TTN: variants seen among roughly 807,000 people sequenced by gnomAD.
TTN encodes the protein titin, also known as connectin.
Under a neutral mutation model 3,223.0 loss-of-function variants are expected in TTN, and 1,525 were observed. The observed-to-expected ratio is 0.47, with a 90% CI of 0.45 to 0.49. The LOEUF is 0.49. TTN is among the 20% of genes least tolerant of loss of function. The probability of loss-of-function intolerance (pLI) is 0.00; values close to 1 mark genes in which losing one functional copy is unlikely to be tolerated. For synonymous variants in TTN, 14,094 were observed against 15,161.0 expected, an observed-to-expected ratio of 0.93 and a Z score of 5.17; for missense variants, 40,786 against 43,424.0, an observed-to-expected ratio of 0.94 and a Z score of 5.40.
intron 79 of TTN, 76 bp downstream of exon 79, chr2:178,720,845 A>G: frequency 6.8e-7 from 1 of 1,477,548 alleles, no homozygotes; most frequent in East Asian, 2.3e-5. Flanking sequence ...TTATCCTTTT[A>G]TTTTGGAACT....
chr2:178,618,652 C>CCTTTCTTGG lies in TTN; in HGVS notation c.46897_46898insCCAAGAAAG (p.Lys15632_Gly15633insAlaLysLys). ...GTTCTGAAGCACAATTTTATACCTCCCTTTGTCTCCTTTCTTGGCTTCTAA... is the reference window on the plus strand; with the variant it reads ...GTTCTGAAGCACAATTTTATACCTCCCTTTCTTGGCTTTGTCTCCTTTCTTGGCTTCTAA... On this transcript the variant is annotated inframe_insertion, in exon 251 of 363. Transcript: ENST00000589042. The CCTTTCTTGG allele has an allele frequency of 6.2e-7, 1 of 1,612,358 alleles. No individual in the cohort carries two copies. The highest frequency in any genetic ancestry group is 1.1e-5 in the South Asian group (1 of 90,986).
rs1247538583 is a variant in TTN at position 178,614,538 on chromosome 2, T to C, written c.48976A>G (p.Thr16326Ala). The change falls in exon 261 of 363, where the codon ACT (threonine) becomes GCT (alanine). Residue 16326 changes from threonine to alanine, a missense_variant. Physicochemically the swap from Thr to Ala is moderately conservative, Grantham distance 58 (BLOSUM62 0). Transcript: ENST00000589042. ...ACAGCCTCAATGATATATGTGCCAG[T>C]GTCACTTCTCTTACTATCAACAATA... Reference protein sequence around the residue: ...VTIVDSKRSDTGTYIIEAVNV... With the variant: ...VTIVDSKRSDAGTYIIEAVNV... 1.2e-6 allele frequency: 2 copies of C among 1,612,448 alleles called. No homozygotes were observed. The highest frequency in any genetic ancestry group is 3.3e-5 in the Admixed American group (2 of 59,892).
rs2091955390 is a variant in TTN at position 178,774,409 on chromosome 2, T to G, written c.6855A>C (p.Glu2285Asp). ...DIEVPESYSG[E>D]LECIVSPENI... The stretch of plus-strand genomic sequence containing the variant: ...TTTCTGGGGATACAATGCACTCTAA[T>G]TCTCCTGAATATGATTCTGGAACTT... Residue 2285 changes from glutamate to aspartate, a missense_variant, in exon 30 of 363, where the codon GAA becomes GAC. Transcript: ENST00000589042. The G allele has an allele frequency of 3.1e-6, 5 of 1,613,906 alleles. No individual in the cohort carries two copies. The highest frequency in any genetic ancestry group is 3.4e-6 in the Non-Finnish European group (4 of 1,179,920).
intron 144 of TTN, 68 bp downstream of exon 144, chr2:178,678,346 A>G: frequency 6.7e-7 from 1 of 1,502,962 alleles, no homozygotes; most frequent in Non-Finnish European, 9.0e-7. Context: ...TAATGGGGAA[A>G]TTTGTATGTG....
At chr2:178,707,851 G>A (rs1299684625) in intron 99 of TTN, 38 bp from the exon 100 acceptor site, 13 of 1,528,228 alleles carry the variant, frequency 8.5e-6, no homozygotes, top group African/African-American at 4.2e-5. Flanking sequence ...GAACATAAAG[G>A]CAAAAAAGTA....
rs1486085185 is a variant in TTN at position 178,543,333 on chromosome 2, C to T, written c.96640G>A (p.Val32214Ile). The change falls in exon 347 of 363, where the codon GTC (valine) becomes ATC (isoleucine). Residue 32214 changes from valine (V) to isoleucine (I), a missense_variant. Transcript: ENST00000589042. ...GCAAGGGTAACAGTGGATTTGGTGA[C>T]ATCGACCACTTCTAGCTTTGCAGGC... is the stretch of plus-strand genomic sequence containing the variant. ...LVPAKLEVVDVTKSTVTLAWE... is the reference protein window; with the variant it reads ...LVPAKLEVVDITKSTVTLAWE... 6.2e-6 allele frequency: 10 copies of T among 1,613,874 alleles called. No homozygotes were observed. The East Asian group carries it at 2.2e-4, about 36-fold the overall frequency.
At chr2:178,746,030 T>C (rs756388799) in intron 47 of TTN, 1 of 1,613,440 alleles carries the variant, frequency 6.2e-7, no homozygotes, top group African/African-American at 1.3e-5. Context: ...TCCTACACAA[T>C]TCACAGCTCT....
intron 307 of TTN, 53 bp downstream of exon 307, chr2:178,587,065 C>T: frequency 6.2e-7 from 1 of 1,602,558 alleles, no homozygotes; most frequent in Non-Finnish European, 8.5e-7. Flanking sequence ...GTATCTTGAC[C>T]TTGCTAAAAT....
chr2:178,574,754 G>C lies in TTN; in HGVS notation c.71378C>G (p.Thr23793Ser). The change falls in exon 326 of 363, where the codon ACT becomes AGT. Residue 23793 changes from threonine to serine, a missense_variant. Coordinates refer to ENST00000589042, the MANE Select transcript of TTN (RefSeq NM_001267550.2). ...TACACGGAACTGATACTCTAATCCA[G>C]TAGTAAGGCGGGTGGCTTTATAGGT... is the stretch of plus-strand genomic sequence containing the variant. The part of the protein sequence containing the change: ...RTTYKATRLT[T>S]GLEYQFRVKA... The C allele has an allele frequency of 6.2e-7, 1 of 1,612,622 alleles. No individual in the cohort carries two copies. The highest frequency in any genetic ancestry group is 8.5e-7 in the Non-Finnish European group (1 of 1,179,144).
intron 25 of TTN, 35 bp downstream of exon 25, chr2:178,777,669 T>C: frequency 6.2e-7 from 1 of 1,613,888 alleles, no homozygotes; most frequent in South Asian, 1.1e-5. Flanking sequence ...TTTTTGTGTT[T>C]TTATGATTCA....
At position 178,619,640 on chromosome 2, in the gene TTN, T is replaced by C. The variant is rs1057522659; in HGVS notation, c.46677A>G (p.Arg15559=). The part of the protein sequence containing the change: ...YRFIAKDKEA[R]AKLELAAAPK... ...ACTGACCTGCCAGTTCAAGCTTAGC[T>C]CTGGCTTCTTTGTCTTTGGCAATAA... Residue 15559 remains arginine, a synonymous_variant, in exon 250 of 363, where the codon AGA becomes AGG. Transcript: ENST00000589042. The C allele has an allele frequency of 2.5e-6, 4 of 1,611,790 alleles. No individual in the cohort carries two copies. Among genetic ancestry groups the C allele is most frequent in the Non-Finnish European group, 2.5e-6 (3 of 1,178,710 alleles).
chr2:178,651,584 G>C (rs780604237), intron 206 of TTN, 48 bp from the exon 207 acceptor site: 1 of 1,610,452 alleles, frequency 6.2e-7, no homozygotes, highest in Non-Finnish European at 8.5e-7. Context: ...TCAATGAAAT[G>C]TGAAAATCAT....
rs1401908315 is a variant in TTN, at chr2:178,574,560, T to C, written c.71572A>G (p.Ile23858Val). 6.2e-7 allele frequency: 1 copy of C among 1,613,472 alleles called. No individual in the cohort carries two copies. The highest frequency in any genetic ancestry group is 8.5e-7 in the Non-Finnish European group (1 of 1,179,632). Residue 23858 changes from isoleucine to valine, a missense_variant, in exon 326 of 363, where the codon ATT (isoleucine) becomes GTT (valine). By Grantham distance (29) the Ile-to-Val change is conservative. Coordinates refer to ENST00000589042, the MANE Select transcript of TTN (RefSeq NM_001267550.2). The stretch of plus-strand genomic sequence containing the variant: ...TTTCTTTCAACATGATATCCTAAAA[T>C]GGGGCTTCCACCATCAGAAAGTGGC... ...HEPLSDGGSP[I>V]LGYHVERKER...
At chr2:178,742,250 T>C (rs1368370795) in intron 47 of TTN, among the ~76,000 whole-genome samples, 2 of 152,132 alleles carry the variant, frequency 1.3e-5, no homozygotes, top group Non-Finnish European at 2.9e-5. Flanking sequence ...TAAATAGTTA[T>C]AATAATCCAG....
chr2:178,774,379 T>C lies in TTN; in HGVS notation c.6885A>G (p.Ile2295Met). 1.2e-6 allele frequency: 2 copies of C among 1,614,104 alleles called. No homozygotes were observed. Among genetic ancestry groups the C allele is most frequent in the Non-Finnish European group, 1.7e-6 (2 of 1,179,972 alleles). ...CATCATTATGATACCATTTTCCTTC[T>C]ATATTTTCTGGGGATACAATGCACT... ...ELECIVSPENIEGKWYHNDVE... is the reference protein window; with the variant it reads ...ELECIVSPENMEGKWYHNDVE... The change falls in exon 30 of 363, where the codon ATA becomes ATG. Residue 2295 changes from isoleucine to methionine, a missense_variant. By Grantham distance (10) the Ile-to-Met change is conservative. Transcript: ENST00000589042.
At position 178,607,981 on chromosome 2, in the gene TTN, A is replaced by T; in HGVS notation, c.52806T>A (p.Val17602=). 1 of 1,612,980 alleles carries T rather than the reference A, an allele frequency of 6.2e-7. No individual in the cohort carries two copies. ...CCAACTGCTTATCAACAAAATAGCC[A>T]ACAATTTCCCCACCACCATTGAAAG... ...PPAFNGGGEI[V]GYFVDKQLVG... is the part of the protein sequence containing the mutation. Residue 17602 remains valine, a synonymous_variant, in exon 276 of 363, where the codon GTT becomes GTA. Coordinates refer to ENST00000589042, the MANE Select transcript of TTN (RefSeq NM_001267550.2).
rs781699152 is a variant in TTN at position 178,550,109 on chromosome 2, C to T, written c.91729G>A (p.Asp30577Asn). Reference sequence around the variant, plus strand: ...AATAGGCTGGTGGATCCAAGTACGTCGGTTATTTCCATATTCATCCTCTTT... The same window carrying T: ...AATAGGCTGGTGGATCCAAGTACGTTGGTTATTTCCATATTCATCCTCTTT... ...IEKRMNMEIT[D>N]VLGSTSLFVR... is the part of the protein sequence containing the mutation. The change falls in exon 337 of 363, where the codon GAC becomes AAC. Residue 30577 changes from aspartate to asparagine, a missense_variant. Coordinates refer to ENST00000589042, the MANE Select transcript of TTN (RefSeq NM_001267550.2). 4.3e-6 allele frequency: 7 copies of T among 1,613,768 alleles called. No homozygotes were observed. Among genetic ancestry groups the T allele is most frequent in the South Asian group, 3.3e-5 (3 of 91,080 alleles).
chr2:178,725,315 G>C, intron 71 of TTN, 53 bp downstream of exon 71: 1 of 1,418,626 alleles, frequency 7.0e-7, no homozygotes, highest in Admixed American at 3.1e-5. Flanking sequence ...GTAACTCTTA[G>C]TAATTCATTC....
chr2:178,764,758 C>A lies in TTN; in HGVS notation c.9757G>T (p.Gly3253Cys). ...QELQPVTVQS[G>C]KPARFCAVIS... ...ACGGCACAGAAGCGGGCAGGCTTGCCAGACTGCACAGTGACAGGCTGGAGC... is the reference window on the plus strand; with the variant it reads ...ACGGCACAGAAGCGGGCAGGCTTGCAAGACTGCACAGTGACAGGCTGGAGC... Residue 3253 changes from glycine (G) to cysteine (C), a missense_variant, in exon 42 of 363, where the codon GGC becomes TGC. Gly to Cys is a radical substitution (Grantham distance 159). Coordinates refer to ENST00000589042, the MANE Select transcript of TTN (RefSeq NM_001267550.2). The A allele has an allele frequency of 6.2e-7, 1 of 1,613,910 alleles. No homozygotes were observed. The highest frequency in any genetic ancestry group is 8.5e-7 in the Non-Finnish European group (1 of 1,179,972).
Sources: allele counts gnomAD v4.1 joint callset (sites outside exome capture counted in the v4.1 genomes callset), GRCh38; gene constraint gnomAD v4.1.1; transcripts MANE v1.5; gene names NCBI Gene and HGNC (gene_info 2026-07-23, HGNC 2026-07-21).